Variants in FAF1 observed in about 807,000 individuals in gnomAD.
FAF1 encodes the protein FAS-associated factor 1.
In FAF1, 25 loss-of-function variants were observed where a neutral mutation model predicts 92.5. The observed-to-expected ratio is 0.27, with a 90% CI of 0.20 to 0.38. The LOEUF (loss-of-function observed/expected upper bound fraction) is 0.38, where lower values mean the gene tolerates loss of function less well. Ranked by LOEUF, FAF1 falls within the 10% of genes least tolerant of loss-of-function variation. The pLI, the probability that FAF1 is intolerant of heterozygous loss-of-function variation, is 1.00. For missense variants in FAF1, 636 were observed against 793.3 expected, an observed-to-expected ratio of 0.80 and a Z score of 2.38; for synonymous variants, 234 against 273.2, an observed-to-expected ratio of 0.86 and a Z score of 1.42.
intron 7 of FAF1, among the ~76,000 whole-genome samples, chr1:50,692,287 GTGTGT>G: frequency 1.4e-5 from 2 of 146,566 alleles, no homozygotes; most frequent in Admixed American, 6.8e-5. Flanking sequence ...GTGTGTGTGT[GTGTGT>G]GGTGGGAACA....
At chr1:50,456,202 C>T (rs998551167) in intron 18 of FAF1, among the ~76,000 whole-genome samples, 5 of 152,140 alleles carry the variant, frequency 3.3e-5, no homozygotes, top group African/African-American at 1.2e-4. Flanking sequence ...AAGTTATCCT[C>T]CTGCCTCAGC....
intron 2 of FAF1, among the ~76,000 whole-genome samples, chr1:50,856,715 GA>G (rs567445693): frequency 0.016 from 2,452 of 151,562 alleles, 43 homozygotes; most frequent in Non-Finnish European, 0.021. Flanking sequence ...AATTTCTTCT[GA>G]AAAAAATAGG....
At chr1:50,722,205 A>C (rs1658438652) in intron 6 of FAF1, among the ~76,000 whole-genome samples, 1 of 152,174 alleles carries the variant, frequency 6.6e-6, no homozygotes, top group Non-Finnish European at 1.5e-5. Flanking sequence ...AAGGGCCAAA[A>C]AGCACTGTTT....
chr1:50,619,997 C>T (rs912488704), intron 8 of FAF1, among the ~76,000 whole-genome samples: 2 of 151,666 alleles, frequency 1.3e-5, no homozygotes, highest in African/African-American at 2.4e-5. Context: ...CAACCTCTGC[C>T]TTCCAGGTTC....
At chr1:50,642,438 C>T (rs1654382431) in intron 8 of FAF1, among the ~76,000 whole-genome samples, 1 of 151,958 alleles carries the variant, frequency 6.6e-6, no homozygotes, top group Non-Finnish European at 1.5e-5. Flanking sequence ...ATCACAAAGT[C>T]AGGAGTTTGA....
intron 5 of FAF1, among the ~76,000 whole-genome samples, chr1:50,743,910 A>C (rs1659489108): frequency 6.6e-6 from 1 of 151,898 alleles, no homozygotes; most frequent in South Asian, 2.1e-4. Context: ...ATCTCTACTA[A>C]AAATGCAAAA....
At chr1:50,610,938 T>TA (rs1177597080) in intron 8 of FAF1, among the ~76,000 whole-genome samples, 2 of 152,168 alleles carry the variant, frequency 1.3e-5, no homozygotes, top group Non-Finnish European at 2.9e-5. Context: ...GCAGGTTGCA[T>TA]AAAAAACATT....
intron 4 of FAF1, among the ~76,000 whole-genome samples, chr1:50,745,167 G>A (rs1659539453): frequency 6.6e-6 from 1 of 152,034 alleles, no homozygotes. Flanking sequence ...CAAGCGTGGT[G>A]GCACACACCT....
At chr1:50,541,216 G>T (rs1369993803) in intron 13 of FAF1, among the ~76,000 whole-genome samples, 1 of 152,154 alleles carries the variant, frequency 6.6e-6, no homozygotes, top group Non-Finnish European at 1.5e-5. Context: ...TAGAAAGTAG[G>T]TGCTGCTAAG....
intron 1 of FAF1, among the ~76,000 whole-genome samples, chr1:50,952,676 C>T (rs1422433316): frequency 1.3e-5 from 2 of 151,590 alleles, no homozygotes; most frequent in East Asian, 1.9e-4. Flanking sequence ...CATCTCTGCC[C>T]GGCCGCCCAT....
intron 2 of FAF1, among the ~76,000 whole-genome samples, chr1:50,814,815 T>C (rs990321372): frequency 6.6e-6 from 1 of 152,194 alleles, no homozygotes; most frequent in Admixed American, 6.5e-5. Flanking sequence ...TACAATGAGA[T>C]ACCACCTCAC....
chr1:50,857,910 G>A lies in FAF1; in HGVS notation c.114+19C>T, dbSNP rs372010530. 3.9e-5 allele frequency: 60 copies of A among 1,521,246 alleles called. No homozygotes were observed. In the African/African-American group the frequency reaches 7.7e-4, roughly 20 times the overall value. 94.2% of individuals were successfully genotyped at this position (1,521,246 alleles called of 1,614,324 possible). A position where few individuals can be genotyped will look rare whatever the true frequency, so the allele number is the denominator to read the frequency against. On this transcript the variant is annotated intron_variant, in intron 2 of 18. Coordinates refer to ENST00000396153, the MANE Select transcript of FAF1 (RefSeq NM_007051.3). Reference sequence around the variant, plus strand: ...TCATAAAATTTGATTACTCATCAGAGAAAGAAAAAAGTACTTACCACTAAG... The same window carrying A: ...TCATAAAATTTGATTACTCATCAGAAAAAGAAAAAAGTACTTACCACTAAG...
chr1:50,805,650 T>A (rs1662164818), intron 2 of FAF1, among the ~76,000 whole-genome samples: 1 of 152,162 alleles, frequency 6.6e-6, no homozygotes, highest in Non-Finnish European at 1.5e-5. Flanking sequence ...ATACCCTACA[T>A]GGAATGCTAG....
rs184743798 is a variant in FAF1 at position 50,813,710 on chromosome 1, G to A, written c.115-12033C>T. On this transcript the variant is annotated intron_variant, in intron 2 of 18. Transcript: ENST00000396153. Reference sequence around the variant, plus strand: ...ATTCCTAGGCTCAAGTGACTCTCTCGCCTTGACCTCCCAAAGTGCTGGATG... The same window carrying A: ...ATTCCTAGGCTCAAGTGACTCTCTCACCTTGACCTCCCAAAGTGCTGGATG... Among the ~76,000 whole-genome samples, 13 of 151,870 alleles carry A rather than the reference G, an allele frequency of 8.6e-5. No individual in the cohort carries two copies. In the East Asian group the frequency reaches 1.7e-3, roughly 20 times the overall value.
chr1:50,920,281 GAA>G (rs1644952314), intron 1 of FAF1, among the ~76,000 whole-genome samples: 1 of 147,476 alleles, frequency 6.8e-6, no homozygotes, highest in Non-Finnish European at 1.5e-5. Context: ...CAGCCTGGGT[GAA>G]AGAGCAAGAC....
At chr1:50,885,500 T>C (rs901918505) in intron 1 of FAF1, among the ~76,000 whole-genome samples, 6 of 152,164 alleles carry the variant, frequency 3.9e-5, no homozygotes, top group African/African-American at 1.4e-4. Flanking sequence ...TAACTATAGT[T>C]ATGCATGCTC....
intron 18 of FAF1, among the ~76,000 whole-genome samples, chr1:50,455,201 T>C (rs1646337018): frequency 6.6e-6 from 1 of 152,208 alleles, no homozygotes; most frequent in African/African-American, 2.4e-5. Flanking sequence ...TCAGTTGCCC[T>C]TTCAGAGGGG....
chr1:50,617,695 T>A (rs1444326947), intron 8 of FAF1, among the ~76,000 whole-genome samples: 1 of 143,472 alleles, frequency 7.0e-6, no homozygotes, highest in Non-Finnish European at 1.5e-5. Context: ...CCTCTTCTGT[T>A]TTTTTTTTTT....
Position 50,664,122 on chromosome 1 carries a change from C to T in FAF1, c.658-8594G>A, listed in dbSNP as rs149824031. ...AAGCAATTCTCCTGCCTCAGCCTCC[C>T]GAGAAGCTGGGATTACAGGAATGTG... On this transcript the variant is annotated intron_variant, in intron 7 of 18. Transcript: ENST00000396153. Among the ~76,000 whole-genome samples the T allele has an allele frequency of 1.9e-3, 284 of 150,816 alleles. 13 individuals are homozygous for T. The East Asian group carries it at 0.043, about 23-fold the overall frequency.
Sources: gnomAD v4.1 joint callset for allele counts (sites outside exome capture counted in the v4.1 genomes callset) on GRCh38, gnomAD v4.1.1 for gene constraint, MANE v1.5 for transcripts, NCBI Gene and HGNC (gene_info 2026-07-23, HGNC 2026-07-21) for gene names.